FARSB: variants seen among roughly 807,000 people sequenced by gnomAD.
FARSB encodes phenylalanyl-tRNA synthetase subunit beta, also known as phenylalanine--tRNA ligase beta subunit.
A neutral mutation model predicts 69.6 loss-of-function variants in FARSB; 40 were observed. That is an observed-to-expected ratio of 0.57 (90% CI 0.45 to 0.75). The LOEUF is 0.75. Ranked by LOEUF, FARSB falls within the 30% of genes least tolerant of loss-of-function variation. The pLI is 0.00. For synonymous variants in FARSB, 235 were observed against 247.2 expected (o/e 0.95, Z 0.46); for missense variants, 632 against 722.9 (o/e 0.87, Z 1.44).
chr2:222,570,238 T>C lies in FARSB; in HGVS notation c.*1633A>G, dbSNP rs1689692381. ...AAAAACAGTTGTTTTATTTTTACTA[T>C]TAAGTTTTATTATTAAGTTTTAAGA... On this transcript the variant is annotated 3_prime_UTR_variant, in exon 17 of 17. Transcript: ENST00000281828. 6.6e-6 allele frequency among the ~76,000 whole-genome samples: 1 copy of C among 152,238 alleles called. No individual in the cohort carries two copies. The highest frequency in any genetic ancestry group is 2.1e-4 in the South Asian group (1 of 4,826).
At chr2:222,626,985 G>A (rs1354654910) in intron 10 of FARSB, among the ~76,000 whole-genome samples, 1 of 152,142 alleles carries the variant, frequency 6.6e-6, no homozygotes, top group Non-Finnish European at 1.5e-5. Flanking sequence ...GCAGTGAGCC[G>A]AGATCGCGCC....
At position 222,633,227 on chromosome 2, in the gene FARSB, G is replaced by T; in HGVS notation, c.687C>A (p.Val229=). 1 of 1,565,468 alleles carries T rather than the reference G, an allele frequency of 6.4e-7. No individual in the cohort carries two copies. Among genetic ancestry groups the T allele is most frequent in the South Asian group, 1.1e-5 (1 of 89,674 alleles). The change falls in exon 7 of 17, where the codon GTC becomes GTA. Residue 229 remains valine (V), a synonymous_variant. Coordinates refer to ENST00000281828, the MANE Select transcript of FARSB (RefSeq NM_005687.5). ...TGATGATGGGAGGCATTGAAAGGAC[G>T]ACACCATTGCTATCATAGATAACTG... is the stretch of plus-strand genomic sequence containing the variant. ...LYPVIYDSNG[V]VLSMPPIING...
intron 15 of FARSB, among the ~76,000 whole-genome samples, chr2:222,611,546 C>T (rs968810343): frequency 3.3e-5 from 5 of 151,990 alleles, no homozygotes; most frequent in Non-Finnish European, 7.4e-5. Context: ...CTTCTGGGCT[C>T]AAAAGGTTCT....
intron 10 of FARSB, among the ~76,000 whole-genome samples, chr2:222,625,716 ATGAGC>A (rs1436783766): frequency 6.6e-6 from 1 of 152,260 alleles, no homozygotes; most frequent in Non-Finnish European, 1.5e-5. Context: ...AACAGTTATT[ATGAGC>A]TGAACAGTAC....
At chr2:222,645,827 G>GT (rs1217612056) in intron 2 of FARSB, among the ~76,000 whole-genome samples, 9 of 152,016 alleles carry the variant, frequency 5.9e-5, no homozygotes, top group Admixed American at 5.2e-4. Context: ...AAAAAATATT[G>GT]TTTTTTTATG....
At chr2:222,616,834 A>G (rs1691010347) in intron 14 of FARSB, among the ~76,000 whole-genome samples, 1 of 152,218 alleles carries the variant, frequency 6.6e-6, no homozygotes. Context: ...AGAACTTTAC[A>G]TTTAACTTAA....
chr2:222,584,418 C>A (rs1352823654), intron 16 of FARSB, among the ~76,000 whole-genome samples: 1 of 152,150 alleles, frequency 6.6e-6, no homozygotes, highest in African/African-American at 2.4e-5. Flanking sequence ...TCTACAGCTC[C>A]CAGCGTGAGC....
chr2:222,606,360 T>C (rs1026376556), intron 15 of FARSB, among the ~76,000 whole-genome samples: 1 of 146,360 alleles, frequency 6.8e-6, no homozygotes, highest in Non-Finnish European at 1.5e-5. Flanking sequence ...TACTACATCA[T>C]AGAAAGTCCA....
rs1690425223 is a variant in FARSB, at chr2:222,596,651, T to G, written c.1618+3277A>C. Among the ~76,000 whole-genome samples, 2 of 152,196 alleles carry G rather than the reference T, an allele frequency of 1.3e-5. 1 individual carries two copies. Among genetic ancestry groups the G allele is most frequent in the Admixed American group, 1.3e-4 (2 of 15,280 alleles). ...TAATACTCTGAAGACCTTTTCTTAGTTGAAAAAGCTGTATGTAAAATAACA... is the reference window on the plus strand; with the variant it reads ...TAATACTCTGAAGACCTTTTCTTAGGTGAAAAAGCTGTATGTAAAATAACA... On this transcript the variant is annotated intron_variant, in intron 16 of 16. Coordinates refer to ENST00000281828, the MANE Select transcript of FARSB (RefSeq NM_005687.5).
chr2:222,649,167 A>G (rs554718426), intron 1 of FARSB, among the ~76,000 whole-genome samples: 1 of 147,274 alleles, frequency 6.8e-6, no homozygotes, highest in Non-Finnish European at 1.5e-5. Flanking sequence ...CAGAGGTTGC[A>G]GTGAGCCGAG....
At chr2:222,585,187 T>C (rs1690078924) in intron 16 of FARSB, among the ~76,000 whole-genome samples, 1 of 152,192 alleles carries the variant, frequency 6.6e-6, no homozygotes, top group Admixed American at 6.5e-5. Context: ...TTCTACAATA[T>C]TTGCTGTTCT....
At chr2:222,615,811 C>T (rs1001992243) in intron 14 of FARSB, among the ~76,000 whole-genome samples, 4 of 152,334 alleles carry the variant, frequency 2.6e-5, no homozygotes, top group Non-Finnish European at 4.4e-5. Context: ...AGCTGCTACT[C>T]GCCTTCAACT....
At chr2:222,630,807 T>A (rs890577504) in intron 8 of FARSB, among the ~76,000 whole-genome samples, 2 of 152,194 alleles carry the variant, frequency 1.3e-5, no homozygotes, top group Non-Finnish European at 2.9e-5. Flanking sequence ...ACGAATTAAA[T>A]TTTTTAAAAA....
intron 8 of FARSB, among the ~76,000 whole-genome samples, chr2:222,630,686 T>C (rs1559210405): frequency 6.6e-6 from 1 of 152,150 alleles, no homozygotes; most frequent in Non-Finnish European, 1.5e-5. Context: ...CAAAAAAAAT[T>C]CTTAGAAAAA....
intron 15 of FARSB, among the ~76,000 whole-genome samples, chr2:222,606,636 C>A (rs1038911093): frequency 4.6e-5 from 7 of 152,146 alleles, no homozygotes; most frequent in Non-Finnish European, 8.8e-5. Context: ...TGAAAGAACA[C>A]GCCAAATGAT....
chr2:222,642,304 CT>C (rs1351416190), intron 3 of FARSB, among the ~76,000 whole-genome samples: 1 of 152,156 alleles, frequency 6.6e-6, no homozygotes, highest in Non-Finnish European at 1.5e-5. Context: ...TCCAGCCCCT[CT>C]ATCTTCATTA....
chr2:222,624,212 C>T (rs900584360), intron 12 of FARSB, 60 bp downstream of exon 12: 23 of 1,126,358 alleles, frequency 2.0e-5, no homozygotes, highest in Non-Finnish European at 3.1e-5. Flanking sequence ...CGAAGCCTTC[C>T]TGGCATTAAA....
chr2:222,605,176 T>TCTCTCTCTC (rs1690670045), intron 15 of FARSB, among the ~76,000 whole-genome samples: 2 of 151,766 alleles, frequency 1.3e-5, no homozygotes, highest in Non-Finnish European at 2.9e-5. Context: ...TCTCTCTCTC[T>TCTCTCTCTC]CTCTCTCTCT....
At chr2:222,653,428 G>A (rs558421389) in intron 1 of FARSB, among the ~76,000 whole-genome samples, 1 of 148,384 alleles carries the variant, frequency 6.7e-6, no homozygotes, top group East Asian at 2.0e-4. Context: ...GAGGAAGACT[G>A]GGGAAAAAAA....
Sources: gnomAD v4.1 joint callset for allele counts (sites outside exome capture counted in the v4.1 genomes callset) on GRCh38, gnomAD v4.1.1 for gene constraint, MANE v1.5 for transcripts, NCBI Gene and HGNC (gene_info 2026-07-23, HGNC 2026-07-21) for gene names.